The following MTFR1 variants were observed in gnomAD, a reference collection of about 807,000 sequenced individuals.
The protein encoded by MTFR1 is mitochondrial fission regulator 1.
A neutral mutation model predicts 38.8 loss-of-function variants in MTFR1; 28 were observed. The observed-to-expected ratio is 0.72, with a 90% confidence interval of 0.53 to 0.99. The LOEUF (loss-of-function observed/expected upper bound fraction) is 0.99. Among genes scored for constraint, MTFR1 ranks in the 50% least tolerant of loss-of-function variants. MTFR1 has a pLI of 0.00. For missense variants in MTFR1, 358 were observed against 395.5 expected, an observed-to-expected ratio of 0.91 and a Z score of 0.81; for synonymous variants, 145 against 137.0, an observed-to-expected ratio of 1.06 and a Z score of -0.41.
At chr8:65,681,665 GTTTT>G (rs963405251) in intron 2 of MTFR1, among the ~76,000 whole-genome samples, 1 of 112,336 alleles carries the variant, frequency 8.9e-6, no homozygotes, top group African/African-American at 3.5e-5. Flanking sequence ...GCTTTTTGTT[GTTTT>G]TGTTTTTTTT....
intron 4 of MTFR1, among the ~76,000 whole-genome samples, chr8:65,697,308 G>A (rs555721746): frequency 3.3e-5 from 5 of 152,174 alleles, no homozygotes; most frequent in South Asian, 4.2e-4. Context: ...TCTCCAAGTC[G>A]GAATCAAACC....
At chr8:65,713,479 CACACAAACA>C (rs1369193003), downstream of MTFR1, among the ~76,000 whole-genome samples, 3 of 143,102 alleles carry the variant, frequency 2.1e-5, no homozygotes, top group Admixed American at 6.9e-5. Flanking sequence ...CACACACACA[CACACAAACA>C]AAACAAAAAC....
chr8:65,658,907 G>C (rs1163569492), intron 1 of MTFR1, among the ~76,000 whole-genome samples: 1 of 152,146 alleles, frequency 6.6e-6, no homozygotes, highest in African/African-American at 2.4e-5. Flanking sequence ...CTGATGTAAA[G>C]TGTAAGAGAA....
intron 3 of MTFR1, among the ~76,000 whole-genome samples, chr8:65,737,208 A>T (rs1807177400): frequency 6.6e-6 from 1 of 152,180 alleles, no homozygotes; most frequent in African/African-American, 2.4e-5. Context: ...CACAAAAGAT[A>T]ATCCATTGAA....
chr8:65,769,337 A>G (rs1004225276), intron 3 of MTFR1, among the ~76,000 whole-genome samples: 9 of 152,106 alleles, frequency 5.9e-5, no homozygotes, highest in Admixed American at 4.6e-4. Context: ...CGGCCATCTG[A>G]GAAATGACTT....
intron 1 of MTFR1, among the ~76,000 whole-genome samples, chr8:65,647,983 T>C (rs1046862600): frequency 7.2e-5 from 11 of 152,112 alleles, no homozygotes; most frequent in South Asian, 6.2e-4. Context: ...TATTTTTCCA[T>C]TGGGCTTTTG....
intron 1 of MTFR1, among the ~76,000 whole-genome samples, chr8:65,646,981 C>G (rs937491033): frequency 6.6e-6 from 1 of 152,170 alleles, no homozygotes; most frequent in African/African-American, 2.4e-5. Context: ...TTTAGGAATC[C>G]TACTGGATAG....
At chr8:65,716,112 C>T (rs1806131124) in intron 2 of MTFR1, among the ~76,000 whole-genome samples, 1 of 145,358 alleles carries the variant, frequency 6.9e-6, no homozygotes, top group Non-Finnish European at 1.5e-5. Context: ...GATCATGCCA[C>T]TGCACTCCAG....
At chr8:65,657,577 G>A (rs564176093) in intron 1 of MTFR1, among the ~76,000 whole-genome samples, 6 of 152,084 alleles carry the variant, frequency 3.9e-5, no homozygotes, top group Admixed American at 3.3e-4. Flanking sequence ...GGTAGTGCAT[G>A]CCTGTAGTCC....
intron 3 of MTFR1, chr8:65,739,615 A>G: frequency 6.7e-7 from 1 of 1,496,306 alleles, no homozygotes; most frequent in Non-Finnish European, 8.9e-7. Flanking sequence ...GAAAGAAGAG[A>G]CATTACATTA....
intron 3 of MTFR1, among the ~76,000 whole-genome samples, chr8:65,738,679 C>T (rs1377550559): frequency 1.3e-5 from 2 of 152,012 alleles, no homozygotes; most frequent in South Asian, 2.1e-4. Context: ...GTGATCCACC[C>T]GCCTCAGCCT....
chr8:65,710,770 GGGTTCTCA>G, downstream of MTFR1, among the ~76,000 whole-genome samples: 1 of 152,186 alleles, frequency 6.6e-6, no homozygotes, highest in East Asian at 1.9e-4. Context: ...AGTTGACTCA[GGGTTCTCA>G]AACCCATAAT....
chr8:65,674,119 G>T (rs776349171), intron 2 of MTFR1, among the ~76,000 whole-genome samples: 1 of 151,978 alleles, frequency 6.6e-6, no homozygotes, highest in Non-Finnish European at 1.5e-5. Context: ...CTTTAGTAGG[G>T]ATGGGGTTTC....
intron 1 of MTFR1, among the ~76,000 whole-genome samples, chr8:65,666,914 C>T (rs1435304408): frequency 6.6e-6 from 1 of 152,182 alleles, no homozygotes; most frequent in East Asian, 1.9e-4. Context: ...TTCCCATACC[C>T]AGATACACAT....
chr8:65,736,706 C>T (rs569294110), intron 3 of MTFR1, among the ~76,000 whole-genome samples: 99 of 150,032 alleles, frequency 6.6e-4, no homozygotes, highest in African/African-American at 2.2e-3. Flanking sequence ...GCCATGATCA[C>T]GCCACTGCAC....
chr8:65,694,143 C>T lies in MTFR1; in HGVS notation c.281+384C>T, dbSNP rs987698938. Among the ~76,000 whole-genome samples, 5 of 148,788 alleles carry T rather than the reference C, an allele frequency of 3.4e-5. 1 individual carries two copies. The highest frequency in any genetic ancestry group is 5.9e-5 in the Non-Finnish European group (4 of 67,600). On this transcript the variant is annotated intron_variant, in intron 4 of 7. Transcript: ENST00000262146. ...ACGCTCCAGTGCAGTGGCGTGATCT[C>T]GGCTCATTGCAACCTCCACCTCACA...
chr8:65,654,875 C>T (rs1250261523), intron 1 of MTFR1, among the ~76,000 whole-genome samples: 1 of 152,068 alleles, frequency 6.6e-6, no homozygotes, highest in African/African-American at 2.4e-5. Context: ...CCGTGCCTGG[C>T]CTGGCAATTT....
At chr8:65,724,400 A>C in intron 3 of MTFR1, 1 of 1,243,516 alleles carries the variant, frequency 8.0e-7, no homozygotes, top group Non-Finnish European at 1.2e-6. Flanking sequence ...CACACTTGAC[A>C]ATAATACCAA....
intron 3 of MTFR1, among the ~76,000 whole-genome samples, chr8:65,758,588 A>T (rs567917740): frequency 2.8e-4 from 43 of 152,326 alleles, no homozygotes; most frequent in Non-Finnish European, 5.0e-4. Flanking sequence ...ACGGTGAGTA[A>T]GCCAGCCCTT....
Sources: gnomAD v4.1 joint callset for allele counts (sites outside exome capture counted in the v4.1 genomes callset) on GRCh38, gnomAD v4.1.1 for gene constraint, MANE v1.5 for transcripts, NCBI Gene and HGNC (gene_info 2026-07-23, HGNC 2026-07-21) for gene names.